Variants in GPHN observed in about 807,000 individuals in gnomAD.
GPHN encodes the protein gephyrin.
A neutral mutation model predicts 95.5 loss-of-function variants in GPHN; 17 were observed. The ratio of observed to expected loss-of-function variants is 0.18; its 90% CI spans 0.12 to 0.27. GPHN has a LOEUF of 0.27. GPHN is among the 10% of genes least tolerant of loss of function. The pLI is 1.00. For synonymous variants in GPHN, 320 were observed against 322.5 expected (o/e 0.99, Z 0.08); for missense variants, 660 against 978.1 (o/e 0.67, Z 4.34).
intron 8 of GPHN, among the ~76,000 whole-genome samples, chr14:66,944,696 A>C (rs575877042): frequency 1.3e-5 from 2 of 152,370 alleles, no homozygotes; most frequent in East Asian, 3.9e-4. Flanking sequence ...TAGGGTGGAG[A>C]AAAGAAAAAG....
chr14:67,521,597 A>C, the GPHN span, among the ~76,000 whole-genome samples: 1,813 of 152,332 alleles, frequency 0.012, 40 homozygotes, highest in African/African-American at 0.042. Flanking sequence ...GATAAGGACT[A>C]TGCAGTATTC....
At chr14:67,731,197 TTC>T in the GPHN span, among the ~76,000 whole-genome samples, 2 of 147,796 alleles carry the variant, frequency 1.4e-5, no homozygotes, top group Non-Finnish European at 3.0e-5. Context: ...CTCATCATAT[TTC>T]TTTCTTTCTT....
At chr14:66,760,900 A>G in intron 2 of GPHN, 1 of 958,202 alleles carries the variant, frequency 1.0e-6, no homozygotes, top group South Asian at 1.3e-5. Context: ...CAGGATATCA[A>G]AGAAGTCAAG....
At chr14:66,941,091 C>T (rs112161831) in intron 8 of GPHN, among the ~76,000 whole-genome samples, 2,304 of 151,630 alleles carry the variant, frequency 0.015, 33 homozygotes, top group Non-Finnish European at 0.018. Context: ...ATTTCTACAT[C>T]ACCTGTCCCT....
At chr14:67,287,161 G>A in the GPHN span, among the ~76,000 whole-genome samples, 1 of 152,130 alleles carries the variant, frequency 6.6e-6, no homozygotes, top group Non-Finnish European at 1.5e-5. Flanking sequence ...CAGGACTGCA[G>A]TGAGCCATGT....
the GPHN span, chr14:67,733,873 C>A: frequency 2.0e-6 from 3 of 1,533,850 alleles, no homozygotes; most frequent in Admixed American, 3.3e-5. Flanking sequence ...GCAGCTTTAT[C>A]AGGCCCAATC....
chr14:66,879,184 ACAT>A (rs2063811702), intron 4 of GPHN, among the ~76,000 whole-genome samples: 1 of 152,050 alleles, frequency 6.6e-6, no homozygotes, highest in South Asian at 2.1e-4. Context: ...ACAGAGGGAA[ACAT>A]CACACACCAG....
At chr14:67,336,179 T>C in the GPHN span, 3 of 152,442 alleles carry the variant, frequency 2.0e-5, no homozygotes, top group African/African-American at 7.2e-5. Context: ...TTGGCAAATA[T>C]ATAACATATT....
chr14:66,743,503 G>A (rs751279375), intron 2 of GPHN, among the ~76,000 whole-genome samples: 2 of 152,076 alleles, frequency 1.3e-5, no homozygotes, highest in Non-Finnish European at 1.5e-5. Context: ...TTGGGAGGCC[G>A]AGGCGGGCGG....
chr14:67,369,740 T>G, the GPHN span, among the ~76,000 whole-genome samples: 1 of 152,322 alleles, frequency 6.6e-6, no homozygotes, highest in East Asian at 1.9e-4. Context: ...AAGGGAAAAT[T>G]TATAGCTTTA....
chr14:66,645,410 G>A (rs557825266), intron 1 of GPHN, among the ~76,000 whole-genome samples: 1 of 152,206 alleles, frequency 6.6e-6, no homozygotes, highest in African/African-American at 2.4e-5. Flanking sequence ...ATTTGGGCCA[G>A]GTGCTGTGGC....
At chr14:66,684,593 G>A (rs1013066511) in intron 2 of GPHN, among the ~76,000 whole-genome samples, 1 of 152,108 alleles carries the variant, frequency 6.6e-6, no homozygotes, top group South Asian at 2.1e-4. Context: ...ACATACTCCA[G>A]TATTTTACTG....
the GPHN span, among the ~76,000 whole-genome samples, chr14:67,434,109 T>C: frequency 6.6e-6 from 1 of 152,212 alleles, no homozygotes; most frequent in Non-Finnish European, 1.5e-5. Flanking sequence ...AAAAGGCCAG[T>C]ATCCTGCTCC....
At chr14:67,046,249 C>G (rs2075009632) in intron 10 of GPHN, among the ~76,000 whole-genome samples, 2 of 151,998 alleles carry the variant, frequency 1.3e-5, no homozygotes, top group African/African-American at 4.8e-5. Context: ...TTCCAAGATC[C>G]TTTTGACATG....
At chr14:67,526,393 A>G in the GPHN span, among the ~76,000 whole-genome samples, 2 of 152,254 alleles carry the variant, frequency 1.3e-5, no homozygotes, top group Non-Finnish European at 2.9e-5. Context: ...ATGAGTGCCA[A>G]GCTGACGGTC....
chr14:67,287,343 T>C, the GPHN span, among the ~76,000 whole-genome samples: 11 of 152,142 alleles, frequency 7.2e-5, no homozygotes, highest in East Asian at 2.1e-3. Context: ...TTAAAAGCCA[T>C]TGTTCTGATA....
At chr14:67,554,767 C>A in the GPHN span, among the ~76,000 whole-genome samples, 3 of 152,174 alleles carry the variant, frequency 2.0e-5, 1 homozygote, top group Non-Finnish European at 4.4e-5. Flanking sequence ...GCTCTTTAGT[C>A]TTCAGCTTAG....
chr14:66,543,215 G>A lies in GPHN; in HGVS notation c.64+34624G>A, dbSNP rs185442650. Reference sequence around the variant, plus strand: ...AGCATTGGGGATTACATTTCAACATGAGATTTGGATGGGGACACAGATCCA... The same window carrying A: ...AGCATTGGGGATTACATTTCAACATAAGATTTGGATGGGGACACAGATCCA... On this transcript the variant is annotated intron_variant, in intron 1 of 22. Coordinates refer to ENST00000478722, the MANE Select transcript of GPHN (RefSeq NM_020806.5). Among the ~76,000 whole-genome samples the A allele has an allele frequency of 2.0e-5, 3 of 152,180 alleles. No individual in the cohort carries two copies. In the East Asian group the frequency reaches 5.8e-4, roughly 29 times the overall value.
intron 1 of GPHN, among the ~76,000 whole-genome samples, chr14:66,527,187 G>T (rs1027038177): frequency 6.6e-6 from 1 of 152,040 alleles, no homozygotes; most frequent in African/African-American, 2.4e-5. Context: ...ACTTCTTTCT[G>T]GTTTAGACTT....
Sources: gnomAD v4.1 joint callset for allele counts (sites outside exome capture counted in the v4.1 genomes callset) on GRCh38, gnomAD v4.1.1 for gene constraint, MANE v1.5 for transcripts, NCBI Gene and HGNC (gene_info 2026-07-23, HGNC 2026-07-21) for gene names.